Variants in NEK9 observed in about 807,000 individuals in gnomAD.
The protein encoded by NEK9 is serine/threonine-protein kinase Nek9.
In NEK9, 75 loss-of-function variants were observed where a neutral mutation model predicts 123.4. The ratio of observed to expected loss-of-function variants is 0.61; its 90% CI spans 0.50 to 0.74. NEK9 has a LOEUF of 0.74. Ranked by LOEUF, NEK9 falls within the 30% of genes least tolerant of loss-of-function variation. The pLI, the probability that NEK9 is intolerant of heterozygous loss-of-function variation, is 0.00. For synonymous variants in NEK9, 438 were observed against 458.7 expected, an observed-to-expected ratio of 0.95 and a Z score of 0.58; for missense variants, 952 against 1,214.4, an observed-to-expected ratio of 0.78 and a Z score of 3.21.
rs1328795623 is a variant in NEK9 at position 75,109,455 on chromosome 14, C to CTCAT, written c.1182+226_1182+229dup. Among the ~76,000 whole-genome samples the CTCAT allele has an allele frequency of 2.6e-5, 4 of 152,132 alleles. No homozygotes were observed. The South Asian group carries it at 8.3e-4, about 32-fold the overall frequency. ...AGTCTTTCAATTTTTCTCTCCCTCT[C>CTCAT]TCATTCATTCATTCAAAAAACATTT... On this transcript the variant is annotated intron_variant, in intron 10 of 21. Coordinates refer to ENST00000238616, the MANE Select transcript of NEK9 (RefSeq NM_033116.6).
intron 3 of NEK9, chr14:75,120,799 A>G: frequency 1.7e-6 from 1 of 585,206 alleles, no homozygotes. Flanking sequence ...ATGTCATTAT[A>G]ATATATAGTA....
At chr14:75,105,295 A>G (rs1264260937) in intron 13 of NEK9, among the ~76,000 whole-genome samples, 3 of 151,966 alleles carry the variant, frequency 2.0e-5, no homozygotes, top group African/African-American at 7.2e-5. Flanking sequence ...TTTGGCTAAA[A>G]GTTCCCAAGG....
At chr14:75,092,523 T>C (rs1260781989) in intron 18 of NEK9, among the ~76,000 whole-genome samples, 3 of 152,224 alleles carry the variant, frequency 2.0e-5, no homozygotes, top group Non-Finnish European at 2.9e-5. Context: ...CGCCTCGGCC[T>C]CCCAAAGTGC....
Position 75,115,256 on chromosome 14 carries a change from C to T in NEK9, c.763-943G>A, listed in dbSNP as rs530586769. Among the ~76,000 whole-genome samples the T allele has an allele frequency of 3.2e-4, 48 of 152,244 alleles. 1 individual carries two copies. Among genetic ancestry groups the T allele is most frequent in the Middle Eastern group, 3.4e-3 (1 of 292 alleles). On this transcript the variant is annotated intron_variant, in intron 6 of 21. Coordinates refer to ENST00000238616, the MANE Select transcript of NEK9 (RefSeq NM_033116.6). The stretch of plus-strand genomic sequence containing the variant: ...TCAGCCTCCTGAGTAGCTGGGATTA[C>T]GGGCATGCGCCACCATGCCTGGATA...
chr14:75,086,336 T>A (rs61980804), intron 21 of NEK9: 2,469 of 149,854 alleles, frequency 0.016, 29 homozygotes, highest in Middle Eastern at 0.045. Context: ...TAAAAAATGG[T>A]TATAAAGGAC....
chr14:75,115,114 T>TACACACAC (rs10632881), intron 6 of NEK9, among the ~76,000 whole-genome samples: 3 of 147,178 alleles, frequency 2.0e-5, no homozygotes, highest in Non-Finnish European at 3.0e-5. Context: ...CGTGTGTGCG[T>TACACACAC]ACACACACAC....
chr14:75,118,206 TA>T (rs986471958), intron 5 of NEK9, among the ~76,000 whole-genome samples: 1 of 150,322 alleles, frequency 6.7e-6, no homozygotes, highest in African/African-American at 2.4e-5. Flanking sequence ...TTGACATTAT[TA>T]AAAAAAAAAT....
chr14:75,124,479 G>A (rs989834021), intron 1 of NEK9, among the ~76,000 whole-genome samples: 2 of 152,160 alleles, frequency 1.3e-5, no homozygotes, highest in Non-Finnish European at 2.9e-5. Flanking sequence ...TAAAAATATG[G>A]GCTGGGGATA....
At chr14:75,111,988 G>C (rs1894972818) in intron 8 of NEK9, among the ~76,000 whole-genome samples, 2 of 152,176 alleles carry the variant, frequency 1.3e-5, no homozygotes, top group African/African-American at 4.8e-5. Flanking sequence ...AGACCAAAAG[G>C]GTGATACTGC....
intron 16 of NEK9, among the ~76,000 whole-genome samples, chr14:75,100,305 G>A (rs528103858): frequency 6.6e-6 from 1 of 152,004 alleles, no homozygotes; most frequent in East Asian, 1.9e-4. Flanking sequence ...AATTAGCCGA[G>A]TATGGTGGCG....
chr14:75,118,462 G>T lies in NEK9; in HGVS notation c.630+368C>A, dbSNP rs190234706. On this transcript the variant is annotated intron_variant, in intron 5 of 21. Transcript: ENST00000238616. ...CATCAGCCTTCACTTGAAATATAGG[G>T]TTCTCTTTGAACCAGAAGCATTCAA... Among the ~76,000 whole-genome samples, 29 of 152,264 alleles carry T rather than the reference G, an allele frequency of 1.9e-4. No individual in the cohort carries two copies. The East Asian group carries it at 5.6e-3, about 29-fold the overall frequency.
intron 4 of NEK9, among the ~76,000 whole-genome samples, chr14:75,119,677 G>A (rs1045872308): frequency 6.6e-6 from 1 of 152,154 alleles, no homozygotes; most frequent in Non-Finnish European, 1.5e-5. Context: ...AATCTGTTAA[G>A]GCAAGAGAAG....
intron 6 of NEK9, 144 bp from the exon 7 acceptor site, chr14:75,114,457 C>CA (rs926977672): frequency 3.1e-3 from 1,778 of 575,034 alleles, no homozygotes; most frequent in East Asian, 4.6e-3. Context: ...TAGTATGCAT[C>CA]AAAAAAAAAT....
Position 75,106,672 on chromosome 14 carries a change from T to C in NEK9, c.1358A>G (p.Asp453Gly), listed in dbSNP as rs1322894874. 1 of 1,613,810 alleles carries C rather than the reference T, an allele frequency of 6.2e-7. No homozygotes were observed. The highest frequency in any genetic ancestry group is 1.7e-5 in the Admixed American group (1 of 60,006). Reference protein sequence around the residue: ...DEGQLYAFGSDYYGCMGVDKV... With the variant: ...DEGQLYAFGSGYYGCMGVDKV... ...GTCCACCCCCATGCAGCCATAATAA[T>C]CTGATCCGAAGGCATAGAGCTGACC... The change falls in exon 12 of 22, where the codon GAT becomes GGT. Residue 453 changes from aspartate to glycine, a missense_variant. By Grantham distance (94) the Asp-to-Gly change is moderately conservative. Around this residue, in one of 4 missense-constraint regions of NEK9, gnomAD observed 698 missense variants for 875.6 expected, o/e 0.80. Transcript: ENST00000238616.
At chr14:75,112,979 C>T (rs183779500) in intron 8 of NEK9, among the ~76,000 whole-genome samples, 85 of 152,238 alleles carry the variant, frequency 5.6e-4, no homozygotes, top group Admixed American at 2.2e-3. Context: ...CAAGAAATAA[C>T]GATGTTAAAT....
In NEK9 at chr14:75,103,935, C is replaced by T. The variant is rs1894676091; in HGVS notation, c.1638G>A (p.Leu546=). 2.5e-6 allele frequency: 4 copies of T among 1,614,108 alleles called. No homozygotes were observed. Among genetic ancestry groups the T allele is most frequent in the Non-Finnish European group, 3.4e-6 (4 of 1,180,002 alleles). The stretch of plus-strand genomic sequence containing the variant: ...CCAGCACTTTGCCTGACTGGGTCAA[C>T]AGAAATGTCCCATCACAGCCACATT... The part of the protein sequence containing the change: ...AVQCGCDGTF[L]LTQSGKVLAC... The change falls in exon 14 of 22, where the codon CTG becomes CTA. Residue 546 remains leucine, a synonymous_variant. Coordinates refer to ENST00000238616, the MANE Select transcript of NEK9 (RefSeq NM_033116.6).
rs1893918918 is a variant in NEK9, at chr14:75,083,231, A to T, written c.*1333T>A. ...GATGTGTGACACAAAATACCACAGG[A>T]ACATTTTACAAGGCTAGGTGGAAAT... On this transcript the variant is annotated 3_prime_UTR_variant, in exon 22 of 22. Transcript: ENST00000238616. 2 of 397,558 alleles carry T rather than the reference A, an allele frequency of 5.0e-6. No homozygotes were observed. Among genetic ancestry groups the T allele is most frequent in the East Asian group, 7.1e-5 (2 of 28,072 alleles). The allele number at this position is 397,558 out of a possible 1,614,324, so 24.6% of individuals were successfully genotyped here. A position where few individuals can be genotyped will look rare whatever the true frequency, so the allele number is the denominator to read the frequency against.
At chr14:75,119,223 G>GA (rs992210976) in intron 4 of NEK9, among the ~76,000 whole-genome samples, 1 of 151,896 alleles carries the variant, frequency 6.6e-6, no homozygotes, top group African/African-American at 2.4e-5. Flanking sequence ...AAAGCACCGA[G>GA]AATCAGTTGA....
chr14:75,105,835 A>G (rs1894752356), intron 13 of NEK9, 115 bp downstream of exon 13: 2 of 801,904 alleles, frequency 2.5e-6, no homozygotes, highest in Admixed American at 2.4e-5. Flanking sequence ...TCTCCCAAAC[A>G]GGAAACACTT....
Sources: gnomAD v4.1 joint callset for allele counts (sites outside exome capture counted in the v4.1 genomes callset) on GRCh38, gnomAD v4.1.1 for gene constraint, gnomAD v4.1.1 regional missense constraint, MANE v1.5 for transcripts, NCBI Gene and HGNC (gene_info 2026-07-23, HGNC 2026-07-21) for gene names.